Variants in WWOX observed in about 807,000 individuals in gnomAD.
WWOX encodes the protein WW domain-containing oxidoreductase.
A neutral mutation model predicts 46.2 loss-of-function variants in WWOX; 69 were observed. The ratio of observed to expected loss-of-function variants is 1.49; its 90% CI spans 1.23 to 1.82. The LOEUF is 1.82. Among genes scored for constraint, WWOX ranks in the 40% most tolerant of loss-of-function variants. The pLI is 0.00. For synonymous variants in WWOX, 359 were observed against 202.6 expected, an observed-to-expected ratio of 1.77 and a Z score of -6.56; for missense variants, 919 against 542.6, an observed-to-expected ratio of 1.69 and a Z score of -6.89.
At chr16:78,976,814 G>A (rs944401709) in intron 8 of WWOX, among the ~76,000 whole-genome samples, 1 of 152,202 alleles carries the variant, frequency 6.6e-6, no homozygotes, top group African/African-American at 2.4e-5. Context: ...GACAGTGTCA[G>A]TGTCTTTAAT....
Position 78,578,215 on chromosome 16 carries a change from A to G in WWOX, c.1056+145463A>G, listed in dbSNP as rs1486346601. Among the ~76,000 whole-genome samples, 4 of 125,974 alleles carry G rather than the reference A, an allele frequency of 3.2e-5. No individual in the cohort carries two copies. The East Asian group carries it at 7.1e-4, about 22-fold the overall frequency. 82.6% of individuals were successfully genotyped at this position (125,974 alleles called of 152,430 possible). A position where few individuals can be genotyped will look rare whatever the true frequency, so the allele number is the denominator to read the frequency against. On this transcript the variant is annotated intron_variant, in intron 8 of 8. Transcript: ENST00000566780. ...CACTGGATTAGTCTCTTGCCTTTCA[A>G]TTTTATGTTTATATACAAATATATG...
At chr16:78,306,680 A>G (rs2080139679) in intron 5 of WWOX, among the ~76,000 whole-genome samples, 1 of 151,318 alleles carries the variant, frequency 6.6e-6, no homozygotes, top group Non-Finnish European at 1.5e-5. Context: ...CAAATTCCTG[A>G]TGAGCCCTAT....
intron 8 of WWOX, among the ~76,000 whole-genome samples, chr16:78,848,355 A>G (rs2052353519): frequency 1.3e-5 from 2 of 152,186 alleles, no homozygotes; most frequent in South Asian, 4.1e-4. Context: ...AGTCTAACTA[A>G]ATGCACTGTA....
intron 8 of WWOX, among the ~76,000 whole-genome samples, chr16:78,736,267 C>T (rs771689287): frequency 2.0e-5 from 3 of 152,158 alleles, no homozygotes; most frequent in African/African-American, 4.8e-5. Flanking sequence ...GTGGTACCTT[C>T]GTGTCGGACA....
At chr16:78,432,413 G>A in intron 7 of WWOX, 75 bp from the exon 8 acceptor site, 2 of 1,585,126 alleles carry the variant, frequency 1.3e-6, no homozygotes, top group Non-Finnish European at 1.7e-6. Flanking sequence ...GCATTCCTTA[G>A]ATTTCCAATA....
At chr16:79,059,379 A>C (rs908985199) in intron 8 of WWOX, among the ~76,000 whole-genome samples, 8 of 152,348 alleles carry the variant, frequency 5.3e-5, no homozygotes, top group Non-Finnish European at 1.2e-4. Context: ...CAATCAGCTC[A>C]CCAATATGGG....
intron 8 of WWOX, among the ~76,000 whole-genome samples, chr16:78,821,715 T>A (rs547115947): frequency 6.6e-6 from 1 of 152,324 alleles, no homozygotes; most frequent in East Asian, 1.9e-4. Context: ...GTTGCTGAGC[T>A]TTAAACCCAA....
At chr16:78,256,465 G>A (rs546853545) in intron 5 of WWOX, among the ~76,000 whole-genome samples, 2 of 152,006 alleles carry the variant, frequency 1.3e-5, no homozygotes, top group East Asian at 3.9e-4. Context: ...AATAAACTGG[G>A]TAGCTCAGTC....
At chr16:79,136,657 G>A (rs910442133) in intron 8 of WWOX, among the ~76,000 whole-genome samples, 8 of 152,194 alleles carry the variant, frequency 5.3e-5, no homozygotes, top group African/African-American at 1.7e-4. Flanking sequence ...TCCAGAGACA[G>A]GGTGGGCACC....
Position 78,976,326 on chromosome 16 carries a change from G to A in WWOX, c.1057-235282G>A, listed in dbSNP as rs146631848. Among the ~76,000 whole-genome samples, 169 of 152,294 alleles carry A rather than the reference G, an allele frequency of 1.1e-3. 7 individuals carry two copies. In the East Asian group the frequency reaches 0.026, roughly 24 times the overall value. Reference sequence around the variant, plus strand: ...CTTACGTAGTTTTGAAATGAGAACCGATGAAGCTGCTTTTGCTCATGGTAC... The same window carrying A: ...CTTACGTAGTTTTGAAATGAGAACCAATGAAGCTGCTTTTGCTCATGGTAC... On this transcript the variant is annotated intron_variant, in intron 8 of 8. Transcript: ENST00000566780.
In WWOX at chr16:79,051,025, T is replaced by G. The variant is rs1447661045; in HGVS notation, c.1057-160583T>G. On this transcript the variant is annotated intron_variant, in intron 8 of 8. Transcript: ENST00000566780. ...TCACACGTCACGGCTCTTCGCCCAT[T>G]AACGCTTATAGCAGGATTATTCCCA... 3.3e-5 allele frequency among the ~76,000 whole-genome samples: 5 copies of G among 152,238 alleles called. No homozygotes were observed. The East Asian group carries it at 9.6e-4, about 29-fold the overall frequency.
intron 4 of WWOX, among the ~76,000 whole-genome samples, chr16:78,153,678 C>T (rs2034496943): frequency 6.6e-6 from 1 of 152,024 alleles, no homozygotes; most frequent in South Asian, 2.1e-4. Flanking sequence ...TAACATTTGT[C>T]CCCAGTGTTT....
intron 8 of WWOX, among the ~76,000 whole-genome samples, chr16:79,045,085 T>C (rs1369867286): frequency 6.6e-6 from 1 of 152,234 alleles, no homozygotes; most frequent in African/African-American, 2.4e-5. Context: ...CTCCAAATGT[T>C]AGATTTTGCC....
intron 8 of WWOX, among the ~76,000 whole-genome samples, chr16:78,573,355 A>G (rs2346007): frequency 0.43 from 65,829 of 152,168 alleles, 16,737 homozygotes; most frequent in African/African-American, 0.72. Context: ...CAAAATAGGT[A>G]TCAGATACTT....
chr16:79,100,211 G>A (rs2049163492), intron 8 of WWOX, among the ~76,000 whole-genome samples: 1 of 152,056 alleles, frequency 6.6e-6, no homozygotes, highest in Non-Finnish European at 1.5e-5. Flanking sequence ...AAACAAAATG[G>A]ACCATCCCAG....
At chr16:78,623,221 A>AAGCTGTT (rs1360521924) in intron 8 of WWOX, among the ~76,000 whole-genome samples, 1 of 152,126 alleles carries the variant, frequency 6.6e-6, no homozygotes, top group Middle Eastern at 3.2e-3. Context: ...ATGTGGCTTT[A>AAGCTGTT]AGCTGTTAAG....
At chr16:78,915,403 G>C (rs1353474821) in intron 8 of WWOX, among the ~76,000 whole-genome samples, 1 of 152,108 alleles carries the variant, frequency 6.6e-6, no homozygotes, top group African/African-American at 2.4e-5. Context: ...TAGCTTAATT[G>C]TTACTCTACA....
intron 8 of WWOX, among the ~76,000 whole-genome samples, chr16:78,901,424 C>A (rs998939676): frequency 6.6e-6 from 1 of 152,178 alleles, no homozygotes; most frequent in African/African-American, 2.4e-5. Context: ...TCCCTCTCCC[C>A]ACAACCACTT....
intron 5 of WWOX, among the ~76,000 whole-genome samples, chr16:78,178,733 G>T (rs911716132): frequency 6.6e-6 from 1 of 151,986 alleles, no homozygotes; most frequent in Admixed American, 6.6e-5. Context: ...TTGTCTTGGC[G>T]CATGGCTATA....
Sources: gnomAD v4.1 joint callset for allele counts (sites outside exome capture counted in the v4.1 genomes callset) on GRCh38, gnomAD v4.1.1 for gene constraint, MANE v1.5 for transcripts, NCBI Gene and HGNC (gene_info 2026-07-23, HGNC 2026-07-21) for gene names.